Variants in C8orf34 observed in about 807,000 individuals in gnomAD.
C8orf34 encodes the protein uncharacterized protein C8orf34.
In C8orf34, 65 loss-of-function variants were observed where a neutral mutation model predicts 68.3. The observed-to-expected ratio is 0.95, with a 90% CI of 0.78 to 1.17. C8orf34 has a LOEUF of 1.17. Ranked by LOEUF, C8orf34 falls within the 50% of genes most tolerant of loss-of-function variation. C8orf34 has a pLI of 0.00. For synonymous variants in C8orf34, 244 were observed against 241.2 expected (o/e 1.01, Z -0.11); for missense variants, 664 against 655.4 (o/e 1.01, Z -0.14).
chr8:68,632,958 AG>A (rs1265777893), intron 7 of C8orf34, among the ~76,000 whole-genome samples: 1 of 152,208 alleles, frequency 6.6e-6, no homozygotes, highest in African/African-American at 2.4e-5. Context: ...CCTCTGCTAC[AG>A]CAGTGCAGGT....
intron 4 of C8orf34, among the ~76,000 whole-genome samples, chr8:68,479,117 G>A (rs1485926171): frequency 2.0e-5 from 3 of 152,100 alleles, no homozygotes; most frequent in Non-Finnish European, 4.4e-5. Flanking sequence ...TGATAATCAG[G>A]ATGTGTATAG....
rs181095799 is a variant in C8orf34, at chr8:68,570,447, C to G, written c.1105+37298C>G. ...TATTCAACAACATAGACTTGGTGCTCTCCTGTGGTTAGAAAGGCACTCCTT... is the reference window on the plus strand; with the variant it reads ...TATTCAACAACATAGACTTGGTGCTGTCCTGTGGTTAGAAAGGCACTCCTT... On this transcript the variant is annotated intron_variant, in intron 7 of 13. Transcript: ENST00000518698. Among the ~76,000 whole-genome samples, 32 of 152,278 alleles carry G rather than the reference C, an allele frequency of 2.1e-4. No homozygotes were observed. In the East Asian group the frequency reaches 6.2e-3, roughly 29 times the overall value.
chr8:68,700,014 A>C (rs1820942324), intron 8 of C8orf34, among the ~76,000 whole-genome samples: 1 of 152,104 alleles, frequency 6.6e-6, no homozygotes, highest in African/African-American at 2.4e-5. Context: ...AGAATTGAAG[A>C]AGCAGAATGT....
Position 68,331,218 on chromosome 8 carries a change from G to A in C8orf34, c.206G>A (p.Gly69Asp), listed in dbSNP as rs1364351900. The change falls in exon 1 of 14, where the codon GGC becomes GAC. Residue 69 changes from glycine (G) to aspartate (D), a missense_variant. Transcript: ENST00000518698. ...PGKRRVVPSG[G>D]AQPRVLPALS... ...AAAAGGAGGGTTGTCCCCAGCGGAG[G>A]CGCACAGCCGCGCGTTCTCCCTGCA... The A allele has an allele frequency of 1.3e-6, 2 of 1,535,552 alleles. No homozygotes were observed. The highest frequency in any genetic ancestry group is 8.7e-7 in the Non-Finnish European group (1 of 1,146,722).
At chr8:68,647,143 A>G (rs1325139999) in intron 8 of C8orf34, among the ~76,000 whole-genome samples, 2 of 152,232 alleles carry the variant, frequency 1.3e-5, no homozygotes, top group Non-Finnish European at 2.9e-5. Context: ...ATTGAAATAA[A>G]CATATCTCAG....
chr8:68,732,127 T>A (rs142930441), intron 10 of C8orf34, among the ~76,000 whole-genome samples: 149 of 152,358 alleles, frequency 9.8e-4, no homozygotes, highest in African/African-American at 3.5e-3. Context: ...ACAGTCAGTG[T>A]CTCAATGTTT....
intron 8 of C8orf34, among the ~76,000 whole-genome samples, chr8:68,705,677 G>A (rs1328126964): frequency 6.6e-6 from 1 of 151,970 alleles, no homozygotes; most frequent in Non-Finnish European, 1.5e-5. Context: ...GATTGAACAT[G>A]AAAAGGAAAC....
intron 5 of C8orf34, among the ~76,000 whole-genome samples, chr8:68,489,977 C>T (rs11986390): frequency 0.017 from 2,564 of 152,042 alleles, 75 homozygotes; most frequent in African/African-American, 0.059. Flanking sequence ...TCATCTGTAC[C>T]GACTCCAGGC....
chr8:68,438,774 A>T (rs1810772209), intron 1 of C8orf34: 1 of 152,042 alleles, frequency 6.6e-6, no homozygotes, highest in Admixed American at 6.5e-5. Flanking sequence ...GCTGTTCCTG[A>T]CTGGAAAAAA....
intron 5 of C8orf34, among the ~76,000 whole-genome samples, chr8:68,515,275 T>G (rs1306751020): frequency 6.6e-6 from 1 of 152,072 alleles, no homozygotes; most frequent in Non-Finnish European, 1.5e-5. Context: ...TTTTTTTTTT[T>G]GTCTTTTTCC....
chr8:68,577,921 A>G lies in C8orf34; in HGVS notation c.1105+44772A>G, dbSNP rs368359551. Among the ~76,000 whole-genome samples, 566 of 152,072 alleles carry G rather than the reference A, an allele frequency of 3.7e-3. 8 individuals carry two copies. The highest frequency in any genetic ancestry group is 0.013 in the African/African-American group (559 of 41,572). On this transcript the variant is annotated intron_variant, in intron 7 of 13. Coordinates refer to ENST00000518698, the MANE Select transcript of C8orf34 (RefSeq NM_052958.4). ...AAAAAAAAAATGCTGAAATGTGAAC[A>G]GTGGCTCTCTCATGAGACTAACATT...
At chr8:68,421,242 C>A (rs1026471461) in intron 1 of C8orf34, among the ~76,000 whole-genome samples, 1 of 152,128 alleles carries the variant, frequency 6.6e-6, no homozygotes, top group Non-Finnish European at 1.5e-5. Context: ...CAGGAAATGA[C>A]AAAGAGCTCT....
intron 10 of C8orf34, among the ~76,000 whole-genome samples, chr8:68,771,692 C>G (rs561271675): frequency 6.6e-6 from 1 of 152,210 alleles, no homozygotes; most frequent in South Asian, 2.1e-4. Context: ...TGCTCAAGCA[C>G]TATTCTTTCC....
intron 12 of C8orf34, among the ~76,000 whole-genome samples, chr8:68,814,567 A>G (rs1824752064): frequency 1.3e-5 from 2 of 152,184 alleles, no homozygotes; most frequent in South Asian, 4.1e-4. Context: ...CTATTCATCT[A>G]AATTTTAATA....
intron 3 of C8orf34, among the ~76,000 whole-genome samples, chr8:68,466,333 A>G (rs1812133574): frequency 6.6e-6 from 1 of 152,052 alleles, no homozygotes. Flanking sequence ...TAGGGTGACT[A>G]TAGTTAACAC....
At chr8:68,771,675 A>T (rs541505156) in intron 10 of C8orf34, among the ~76,000 whole-genome samples, 1 of 152,108 alleles carries the variant, frequency 6.6e-6, no homozygotes, top group South Asian at 2.1e-4. Flanking sequence ...TGTTTTTTTA[A>T]TTTTTTTGCT....
intron 7 of C8orf34, among the ~76,000 whole-genome samples, chr8:68,634,579 C>T (rs1818782835): frequency 6.6e-6 from 1 of 152,192 alleles, no homozygotes; most frequent in Non-Finnish European, 1.5e-5. Context: ...TAATCCTAGA[C>T]ACCTGCTCCC....
intron 1 of C8orf34, among the ~76,000 whole-genome samples, chr8:68,436,967 C>A (rs191391143): frequency 6.6e-6 from 1 of 152,264 alleles, no homozygotes; most frequent in East Asian, 1.9e-4. Context: ...TCAAGTCCAG[C>A]AGATACATGG....
chr8:68,410,385 T>G (rs1809394620), intron 1 of C8orf34, among the ~76,000 whole-genome samples: 1 of 152,182 alleles, frequency 6.6e-6, no homozygotes, highest in African/African-American at 2.4e-5. Flanking sequence ...AAAACAGTAT[T>G]ATATCTATTT....
Sources: gnomAD v4.1 joint callset for allele counts (sites outside exome capture counted in the v4.1 genomes callset) on GRCh38, gnomAD v4.1.1 for gene constraint, MANE v1.5 for transcripts, NCBI Gene and HGNC (gene_info 2026-07-23, HGNC 2026-07-21) for gene names.